The following MYRFL variants were observed in gnomAD, a reference collection of about 807,000 sequenced individuals.
The protein encoded by MYRFL is myelin regulatory factor-like protein.
A neutral mutation model predicts 109.4 loss-of-function variants in MYRFL; 88 were observed. The observed-to-expected ratio is 0.80, with a 90% CI of 0.68 to 0.96. The LOEUF is 0.96. MYRFL is among the 40% of genes least tolerant of loss of function. MYRFL has a pLI of 0.00. For missense variants in MYRFL, 957 were observed against 954.9 expected (o/e 1.00, Z -0.03); for synonymous variants, 324 against 320.9 (o/e 1.01, Z -0.10).
intron 21 of MYRFL, among the ~76,000 whole-genome samples, 165 bp downstream of exon 21, chr12:69,953,051 A>G (rs1158651362): frequency 6.6e-6 from 1 of 152,214 alleles, no homozygotes; most frequent in Non-Finnish European, 1.5e-5. Flanking sequence ...AAAGAATCAT[A>G]AAACAGTTGG....
chr12:69,917,903 GA>G (rs11439873), intron 13 of MYRFL, among the ~76,000 whole-genome samples: 112 of 141,042 alleles, frequency 7.9e-4, no homozygotes, highest in South Asian at 1.6e-3. Flanking sequence ...ACATTTAGAT[GA>G]AAAAAAAAAA....
At chr12:69,887,836 C>G (rs1886553296) in intron 6 of MYRFL, among the ~76,000 whole-genome samples, 1 of 152,132 alleles carries the variant, frequency 6.6e-6, no homozygotes, top group South Asian at 2.1e-4. Context: ...GCTCATTGCT[C>G]ATTGTATCAT....
intron 8 of MYRFL, 68 bp from the exon 9 acceptor site, chr12:69,895,303 T>G (rs1457159862): frequency 3.5e-6 from 4 of 1,148,374 alleles, no homozygotes; most frequent in Non-Finnish European, 4.9e-6. Flanking sequence ...GAAAGTGGAT[T>G]AGATATGATC....
At chr12:69,880,063 G>C in intron 4 of MYRFL, 138 bp from the exon 5 acceptor site, 1 of 583,178 alleles carries the variant, frequency 1.7e-6, no homozygotes, top group Non-Finnish European at 3.1e-6. Flanking sequence ...AATAGTTTCA[G>C]CCTAGTAGGG....
intron 5 of MYRFL, among the ~76,000 whole-genome samples, chr12:69,884,577 CT>C (rs1886330423): frequency 6.6e-6 from 1 of 152,228 alleles, no homozygotes; most frequent in African/African-American, 2.4e-5. Context: ...ATTGACCTTG[CT>C]GCCACGCTTG....
chr12:69,858,397 C>A (rs1463402881), intron 2 of MYRFL, among the ~76,000 whole-genome samples: 1 of 151,834 alleles, frequency 6.6e-6, no homozygotes, highest in Admixed American at 6.6e-5. Context: ...CACTTAAATT[C>A]TCTGGATGAG....
intron 13 of MYRFL, 94 bp downstream of exon 13, chr12:69,911,024 G>C: frequency 1.4e-6 from 1 of 725,884 alleles, no homozygotes; most frequent in South Asian, 1.8e-5. Context: ...ATCCAACCAG[G>C]AAGTGGGACA....
rs1258351813 is a variant in MYRFL, at chr12:69,833,984, T to A, written c.46+8421T>A. On this transcript the variant is annotated intron_variant, in intron 1 of 24. Coordinates refer to ENST00000552032, the MANE Select transcript of MYRFL (RefSeq NM_182530.3). ...AGTGGTAAAAAGGTAATGGTTTATG[T>A]TCATTGAGCAGGCAGCTCCAGAAAC... 5.9e-5 allele frequency among the ~76,000 whole-genome samples: 9 copies of A among 152,146 alleles called. No individual in the cohort carries two copies. The East Asian group carries it at 1.7e-3, about 29-fold the overall frequency.
intron 19 of MYRFL, 138 bp from the exon 20 acceptor site, chr12:69,951,975 A>C: frequency 1.5e-6 from 1 of 669,638 alleles, no homozygotes; most frequent in Non-Finnish European, 2.6e-6. Flanking sequence ...AACAGGATAG[A>C]GATTAGATGA....
At chr12:69,853,869 G>A (rs1489450396) in intron 1 of MYRFL, among the ~76,000 whole-genome samples, 2 of 151,448 alleles carry the variant, frequency 1.3e-5, no homozygotes, top group African/African-American at 4.9e-5. Context: ...CAGACTGGGC[G>A]GTGGGGCAGA....
chr12:69,886,690 C>A, intron 5 of MYRFL, 130 bp from the exon 6 acceptor site: 2 of 1,107,736 alleles, frequency 1.8e-6, no homozygotes, highest in Non-Finnish European at 2.5e-6. Flanking sequence ...ACACCTCCTA[C>A]CCCCAGCACA....
intron 7 of MYRFL, 111 bp from the exon 8 acceptor site, chr12:69,893,653 C>T: frequency 2.3e-6 from 1 of 431,584 alleles, no homozygotes; most frequent in Non-Finnish European, 3.7e-6. Context: ...GTTCCTCCTG[C>T]CCAGTGCCTA....
chr12:69,879,727 T>C (rs1432370811), intron 4 of MYRFL, among the ~76,000 whole-genome samples: 1 of 152,224 alleles, frequency 6.6e-6, no homozygotes. Flanking sequence ...ACCGTAAGCT[T>C]ATGCAGCCTC....
chr12:69,906,687 C>G (rs555921994), intron 11 of MYRFL, among the ~76,000 whole-genome samples: 7 of 152,178 alleles, frequency 4.6e-5, no homozygotes, highest in Non-Finnish European at 8.8e-5. Flanking sequence ...GTCAAACATG[C>G]AAAGTCTCCC....
At chr12:69,864,790 T>A (rs947432245) in intron 2 of MYRFL, among the ~76,000 whole-genome samples, 19 of 152,254 alleles carry the variant, frequency 1.2e-4, no homozygotes, top group Admixed American at 1.2e-3. Context: ...CCCCTGTGCC[T>A]GCCCTCACAT....
At chr12:69,900,311 T>C (rs901099084) in intron 10 of MYRFL, among the ~76,000 whole-genome samples, 5 of 152,130 alleles carry the variant, frequency 3.3e-5, no homozygotes, top group Non-Finnish European at 7.3e-5. Context: ...GAATGTTTGT[T>C]TACTCAAAGA....
rs141718146 is a variant in MYRFL, at chr12:69,853,318, C to T, written c.47-1962C>T. On this transcript the variant is annotated intron_variant, in intron 1 of 24. Transcript: ENST00000552032. Reference sequence around the variant, plus strand: ...GCAGAGACGCTCCTCACTTCCCGGACGGGGTGGCTGCTGGGCGGAGGGGCT... The same window carrying T: ...GCAGAGACGCTCCTCACTTCCCGGATGGGGTGGCTGCTGGGCGGAGGGGCT... Among the ~76,000 whole-genome samples the T allele has an allele frequency of 9.1e-3, 1,388 of 151,886 alleles. 21 individuals carry two copies. The highest frequency in any genetic ancestry group is 0.031 in the African/African-American group (1,286 of 41,436).
At chr12:69,886,005 C>T (rs1886424501) in intron 5 of MYRFL, among the ~76,000 whole-genome samples, 1 of 151,924 alleles carries the variant, frequency 6.6e-6, no homozygotes, top group South Asian at 2.1e-4. Context: ...CTAATTAGAC[C>T]ACAGAATCTT....
At chr12:69,885,631 C>A (rs1886401799) in intron 5 of MYRFL, among the ~76,000 whole-genome samples, 1 of 152,104 alleles carries the variant, frequency 6.6e-6, no homozygotes. Flanking sequence ...ATACCAATAC[C>A]ATTTTACATA....
Sources: allele counts gnomAD v4.1 joint callset (sites outside exome capture counted in the v4.1 genomes callset), GRCh38; gene constraint gnomAD v4.1.1; transcripts MANE v1.5; gene names NCBI Gene and HGNC (gene_info 2026-07-23, HGNC 2026-07-21).